The following TMPRSS15 variants were observed in gnomAD, a reference collection of about 807,000 sequenced individuals.
The protein encoded by TMPRSS15 is transmembrane serine protease 15.
In TMPRSS15, 128 loss-of-function variants were observed where a neutral mutation model predicts 125.3. That is an observed-to-expected ratio of 1.02 (90% CI 0.89 to 1.18). The LOEUF (loss-of-function observed/expected upper bound fraction) is 1.18. Ranked by LOEUF, TMPRSS15 falls within the 50% of genes most tolerant of loss-of-function variation. The probability of loss-of-function intolerance (pLI) is 0.00; values close to 1 mark genes in which losing one functional copy is unlikely to be tolerated. For synonymous variants in TMPRSS15, 446 were observed against 423.2 expected, an observed-to-expected ratio of 1.05 and a Z score of -0.66; for missense variants, 1,283 against 1,212.7, an observed-to-expected ratio of 1.06 and a Z score of -0.86.
intron 15 of TMPRSS15, among the ~76,000 whole-genome samples, chr21:18,327,359 C>T (rs926634864): frequency 6.6e-6 from 1 of 152,104 alleles, no homozygotes; most frequent in African/African-American, 2.4e-5. Context: ...AATAGAAAAA[C>T]TATTTAAAAT....
chr21:18,463,729 T>A (rs1394911731), intron 1 of TMPRSS15, among the ~76,000 whole-genome samples: 1 of 152,058 alleles, frequency 6.6e-6, no homozygotes, highest in Non-Finnish European at 1.5e-5. Flanking sequence ...TGCAAAAGAA[T>A]GGAAGTCATG....
intron 18 of TMPRSS15, among the ~76,000 whole-genome samples, chr21:18,310,156 CA>C (rs1328054712): frequency 6.6e-6 from 1 of 152,068 alleles, no homozygotes; most frequent in African/African-American, 2.4e-5. Context: ...TGGAACAAGA[CA>C]AAGATACCTA....
chr21:18,274,767 C>A (rs1481768869), intron 24 of TMPRSS15, among the ~76,000 whole-genome samples: 1 of 152,162 alleles, frequency 6.6e-6, no homozygotes, highest in Non-Finnish European at 1.5e-5. Context: ...ATTCTAAATT[C>A]AGGGTTGAAA....
At chr21:18,287,213 A>T (rs891112242) in intron 21 of TMPRSS15, among the ~76,000 whole-genome samples, 2 of 152,190 alleles carry the variant, frequency 1.3e-5, no homozygotes, top group Non-Finnish European at 2.9e-5. Flanking sequence ...TACTTAGCAC[A>T]GGATAAGTGC....
At chr21:18,299,886 T>C (rs1467587155) in intron 18 of TMPRSS15, among the ~76,000 whole-genome samples, 1 of 152,174 alleles carries the variant, frequency 6.6e-6, no homozygotes, top group Non-Finnish European at 1.5e-5. Context: ...CACCAAGCCC[T>C]CCAGGTGATC....
chr21:18,347,441 T>C (rs896544690), intron 10 of TMPRSS15, among the ~76,000 whole-genome samples: 1 of 152,168 alleles, frequency 6.6e-6, no homozygotes, highest in Non-Finnish European at 1.5e-5. Context: ...TTCGCCATGT[T>C]AGCCAGGCTG....
intron 1 of TMPRSS15, among the ~76,000 whole-genome samples, chr21:18,473,785 G>T (rs962233944): frequency 6.6e-6 from 1 of 151,982 alleles, no homozygotes; most frequent in African/African-American, 2.4e-5. Flanking sequence ...CCTGCATATT[G>T]TAATTCATTA....
intron 20 of TMPRSS15, 41 bp from the exon 21 acceptor site, chr21:18,294,485 G>C: frequency 6.2e-7 from 1 of 1,612,884 alleles, no homozygotes; most frequent in East Asian, 2.2e-5. Flanking sequence ...TTTCATTTTT[G>C]GCATTTCTTC....
Position 18,352,976 on chromosome 21 carries a change from C to G in TMPRSS15, c.1098G>C (p.Trp366Cys). 1 of 1,611,932 alleles carries G rather than the reference C, an allele frequency of 6.2e-7. No individual in the cohort carries two copies. The highest frequency in any genetic ancestry group is 1.1e-5 in the South Asian group (1 of 91,036). ...WVQDLNDDNE[W>C]ERIQGSTFSP... is the part of the protein sequence containing the mutation. ...AAAAGGTGCTTCCCTGAATCCTTTC[C>G]CATTCATTATCATCATTTAGATCCT... The change falls in exon 10 of 25, where the codon TGG becomes TGC. Residue 366 changes from tryptophan (W) to cysteine (C), a missense_variant. By Grantham distance (215) the Trp-to-Cys change is radical. Transcript: ENST00000284885.
intron 1 of TMPRSS15, among the ~76,000 whole-genome samples, chr21:18,452,792 C>A (rs1184252859): frequency 2.0e-5 from 3 of 152,022 alleles, no homozygotes; most frequent in Non-Finnish European, 4.4e-5. Context: ...TATTGAGTTA[C>A]AATTAATATA....
chr21:18,382,854 A>G (rs1253699431), intron 4 of TMPRSS15, among the ~76,000 whole-genome samples: 1 of 152,220 alleles, frequency 6.6e-6, no homozygotes, highest in African/African-American at 2.4e-5. Context: ...GATAATTAGA[A>G]TGGAAAATTT....
intron 7 of TMPRSS15, 147 bp downstream of exon 7, chr21:18,364,993 T>A: frequency 1.5e-6 from 1 of 683,026 alleles, no homozygotes; most frequent in East Asian, 2.7e-5. Context: ...GATAGTATAG[T>A]TTTTTGTACA....
chr21:18,423,405 A>G (rs932014079), intron 1 of TMPRSS15, among the ~76,000 whole-genome samples: 7 of 143,748 alleles, frequency 4.9e-5, no homozygotes, highest in African/African-American at 1.6e-4. Context: ...CTGTAAAATA[A>G]ATTCTTTTTT....
intron 1 of TMPRSS15, among the ~76,000 whole-genome samples, chr21:18,417,986 A>G (rs1394006198): frequency 6.6e-6 from 1 of 152,216 alleles, no homozygotes; most frequent in African/African-American, 2.4e-5. Context: ...AAATGTAAAA[A>G]GCTATGCTAT....
upstream of TMPRSS15, among the ~76,000 whole-genome samples, chr21:18,405,353 A>AAAG (rs1241332325): frequency 6.6e-6 from 1 of 152,188 alleles, no homozygotes; most frequent in Non-Finnish European, 1.5e-5. Flanking sequence ...CAAATGAGTG[A>AAAG]AAGAATAGCT....
chr21:18,372,015 T>C (rs1397721408), intron 6 of TMPRSS15, among the ~76,000 whole-genome samples, 178 bp downstream of exon 6: 2 of 151,804 alleles, frequency 1.3e-5, no homozygotes, highest in Admixed American at 1.3e-4. Flanking sequence ...ATTAATAAAA[T>C]TATTTTAAGA....
At chr21:18,392,032 C>CA (rs1457822583) in intron 3 of TMPRSS15, among the ~76,000 whole-genome samples, 1 of 152,188 alleles carries the variant, frequency 6.6e-6, no homozygotes, top group African/African-American at 2.4e-5. Flanking sequence ...CAAGGCTGTA[C>CA]ACAGCAGTGG....
rs1198773526 is a variant in TMPRSS15 at position 18,403,478 on chromosome 21, C to T, written c.145G>A (p.Gly49Ser). The T allele has an allele frequency of 6.2e-7, 1 of 1,614,134 alleles. No individual in the cohort carries two copies. ...CACGAGCCAACTCCATGTGACTTAC[C>T]TCGTTGGGATTCCTTGATTGTCAGG... Reference protein sequence around the residue: ...SCLTIKESQRGAALGQSHEAR... With the variant: ...SCLTIKESQRSAALGQSHEAR... Residue 49 changes from glycine (G) to serine (S), a missense_variant and splice_region_variant, in exon 1 of 25, where the codon GGT becomes AGT. Gly to Ser is a moderately conservative substitution (Grantham distance 56). Coordinates refer to ENST00000284885, the MANE Select transcript of TMPRSS15 (RefSeq NM_002772.3).
At chr21:18,308,324 C>T (rs982089177) in intron 18 of TMPRSS15, among the ~76,000 whole-genome samples, 2 of 151,854 alleles carry the variant, frequency 1.3e-5, no homozygotes, top group Non-Finnish European at 2.9e-5. Context: ...TCTGAAAGCT[C>T]CCCATGTTTA....
Sources: gnomAD v4.1 joint callset for allele counts (sites outside exome capture counted in the v4.1 genomes callset) on GRCh38, gnomAD v4.1.1 for gene constraint, MANE v1.5 for transcripts, NCBI Gene and HGNC (gene_info 2026-07-23, HGNC 2026-07-21) for gene names.